Variants in MAP3K15 observed in about 807,000 individuals in gnomAD.
MAP3K15 encodes MAPK/ERK kinase kinase 15.
In MAP3K15, 124 loss-of-function variants were observed where a neutral mutation model predicts 99.5. The observed-to-expected ratio is 1.25, with a 90% CI of 1.08 to 1.45. MAP3K15 has a LOEUF of 1.45. Ranked by LOEUF, MAP3K15 falls within the 40% of genes most tolerant of loss-of-function variation. The pLI is 0.00. For synonymous variants in MAP3K15, 494 were observed against 439.6 expected, an observed-to-expected ratio of 1.12 and a Z score of -1.55; for missense variants, 1,242 against 1,079.7, an observed-to-expected ratio of 1.15 and a Z score of -2.11.
chrX:19,442,851 T>A (rs931639901), intron 6 of MAP3K15, among the ~76,000 whole-genome samples: 22 of 104,693 alleles, frequency 2.1e-4, no homozygotes, highest in African/African-American at 7.6e-4. Flanking sequence ...GCCTCCCGAG[T>A]ACCTGGGATT....
At chrX:19,478,757 AG>A (rs1331664653) in intron 3 of MAP3K15, among the ~76,000 whole-genome samples, 5 of 19,758 alleles carry the variant, frequency 2.5e-4, no homozygotes, top group African/African-American at 8.2e-4. Context: ...TTTTTTAATA[AG>A]GTTTTTTTTT....
At position 19,434,744 on chromosome X, in the gene MAP3K15, C is replaced by T. The variant is rs186272172; in HGVS notation, c.996-3136G>A. The stretch of plus-strand genomic sequence containing the variant: ...GGATGGTACGTAGCCAGCCTCATTC[C>T]GGATGCAGAAGAGAAATTCAATCAC... On this transcript the variant is annotated intron_variant, in intron 6 of 28. Coordinates refer to ENST00000338883, the MANE Select transcript of MAP3K15 (RefSeq NM_001001671.4). 4.1e-3 allele frequency among the ~76,000 whole-genome samples: 458 copies of T among 111,852 alleles called. 2 individuals carry two copies. The highest frequency in any genetic ancestry group is 6.9e-3 in the Admixed American group (72 of 10,464).
At chrX:19,439,221 T>TA (rs2063943254) in intron 6 of MAP3K15, among the ~76,000 whole-genome samples, 2 of 111,306 alleles carry the variant, frequency 1.8e-5, no homozygotes, top group Admixed American at 1.9e-4. Context: ...CTGCCATGAA[T>TA]AAAACCTGCC....
chrX:19,463,980 T>C (rs745399813), intron 4 of MAP3K15, among the ~76,000 whole-genome samples: 1 of 110,872 alleles, frequency 9.0e-6, no homozygotes, highest in Non-Finnish European at 1.9e-5. Context: ...GAAGAGAAGT[T>C]ACATGTCAAG....
At chrX:19,462,031 A>G (rs1039372345) in intron 4 of MAP3K15, among the ~76,000 whole-genome samples, 2 of 103,617 alleles carry the variant, frequency 1.9e-5, no homozygotes, top group Admixed American at 2.1e-4. Flanking sequence ...ACACACACAC[A>G]CACACACAAA....
At chrX:19,417,611 T>C (rs1011823462) in intron 9 of MAP3K15, among the ~76,000 whole-genome samples, 5 of 111,835 alleles carry the variant, frequency 4.5e-5, no homozygotes, top group Non-Finnish European at 9.4e-5. Flanking sequence ...ACTCCACCTC[T>C]GGGGGCAGGG....
intron 1 of MAP3K15, among the ~76,000 whole-genome samples, chrX:19,505,357 C>A (rs2064469292): frequency 8.9e-6 from 1 of 112,021 alleles, no homozygotes; most frequent in Admixed American, 9.5e-5. Flanking sequence ...ATTTTCAAAA[C>A]CTAAGTTGCA....
At chrX:19,465,709 G>T (rs1180379737) in intron 3 of MAP3K15, among the ~76,000 whole-genome samples, 1 of 110,407 alleles carries the variant, frequency 9.1e-6, no homozygotes, top group Non-Finnish European at 1.9e-5. Flanking sequence ...AGCCTAGATC[G>T]CACCACTGCC....
At chrX:19,382,135 C>G (rs1231890865) in intron 18 of MAP3K15, among the ~76,000 whole-genome samples, 1 of 109,053 alleles carries the variant, frequency 9.2e-6, no homozygotes, top group Non-Finnish European at 1.9e-5. Flanking sequence ...TGCCTGTAAT[C>G]CCAGCTACTC....
intron 11 of MAP3K15, among the ~76,000 whole-genome samples, chrX:19,410,535 T>G (rs1457674892): frequency 1.8e-5 from 2 of 111,851 alleles, no homozygotes; most frequent in Non-Finnish European, 3.8e-5. Flanking sequence ...ACAGCAACCC[T>G]CTATTTCCTC....
intron 18 of MAP3K15, among the ~76,000 whole-genome samples, chrX:19,388,426 G>A (rs767823264): frequency 8.9e-6 from 1 of 112,211 alleles, no homozygotes; most frequent in African/African-American, 3.2e-5. Context: ...CACCCTTTGA[G>A]TCCAATGGGT....
rs188268579 is a variant in MAP3K15 at position 19,506,814 on chromosome X, G to A, written c.361+8087C>T. Among the ~76,000 whole-genome samples the A allele has an allele frequency of 1.6e-3, 174 of 112,199 alleles. 1 individual carries two copies. Among genetic ancestry groups the A allele is most frequent in the African/African-American group, 5.5e-3 (171 of 30,972 alleles). The stretch of plus-strand genomic sequence containing the variant: ...CCTGGTATTACAGACGTGAGCCACC[G>A]CACCCGGCCTAGTCTTATAGTTTTC... On this transcript the variant is annotated intron_variant, in intron 1 of 28. Coordinates refer to ENST00000338883, the MANE Select transcript of MAP3K15 (RefSeq NM_001001671.4).
chrX:19,410,939 G>A (rs993348920), intron 11 of MAP3K15, among the ~76,000 whole-genome samples: 1 of 111,538 alleles, frequency 9.0e-6, no homozygotes, highest in African/African-American at 3.3e-5. Context: ...CCAGCGCTCT[G>A]GGAGGCCGAG....
intron 6 of MAP3K15, among the ~76,000 whole-genome samples, chrX:19,453,787 C>T (rs1270754603): frequency 1.8e-5 from 2 of 112,078 alleles, no homozygotes; most frequent in Non-Finnish European, 3.8e-5. Flanking sequence ...AAGATGTCAT[C>T]ATTTTTCTAC....
Position 19,372,817 on chromosome X carries a change from C to G in MAP3K15, c.2944G>C (p.Glu982Gln), listed in dbSNP as rs1235750422. Residue 982 changes from glutamate to glutamine, a missense_variant, in exon 22 of 29, where the codon GAG (glutamate) becomes CAG (glutamine). Transcript: ENST00000338883. ...CCCCGGTCTTCCAAGGCTGAGCTCTCGTCTGGAACACTGTGGACAAACACG... is the reference window on the plus strand; with the variant it reads ...CCCCGGTCTTCCAAGGCTGAGCTCTGGTCTGGAACACTGTGGACAAACACG... ...HLGHLLSVPD[E>Q]SSALEDRGLA... The G allele has an allele frequency of 1.7e-6, 2 of 1,207,704 alleles. No individual in the cohort carries two copies. The highest frequency in any genetic ancestry group is 2.2e-6 in the Non-Finnish European group (2 of 893,282).
rs780914524 is a variant in MAP3K15, at chrX:19,431,590, G to T, written c.1014C>A (p.Asp338Glu). 8.3e-7 allele frequency: 1 copy of T among 1,198,380 alleles called. No homozygotes were observed. The highest frequency in any genetic ancestry group is 1.1e-6 in the Non-Finnish European group (1 of 894,144). Residue 338 changes from aspartate (D) to glutamate (E), a missense_variant, in exon 7 of 29, where the codon GAC becomes GAA. Asp to Glu is a conservative substitution (Grantham distance 45, BLOSUM62 2). Transcript: ENST00000338883. ...FALNRRNSTG[D>E]REKALQIMLQ... ...GCATGATCTGCAGAGCCTTCTCACG[G>T]TCACCTGTGCTGTTTCTCCTGAAAG... is the stretch of plus-strand genomic sequence containing the variant.
chrX:19,405,612 T>C (rs2063642657), intron 13 of MAP3K15, among the ~76,000 whole-genome samples: 1 of 112,355 alleles, frequency 8.9e-6, no homozygotes, highest in African/African-American at 3.2e-5. Flanking sequence ...AAGTAAAATT[T>C]GGATAAATGT....
At chrX:19,397,371 T>C (rs1164789633) in intron 15 of MAP3K15, among the ~76,000 whole-genome samples, 1 of 112,087 alleles carries the variant, frequency 8.9e-6, no homozygotes, top group Non-Finnish European at 1.9e-5. Context: ...TTTTCCACAA[T>C]GATGCATCTG....
intron 18 of MAP3K15, among the ~76,000 whole-genome samples, chrX:19,382,855 A>G (rs755118262): frequency 8.9e-6 from 1 of 112,336 alleles, no homozygotes; most frequent in Non-Finnish European, 1.9e-5. Context: ...TGTGCTGCTT[A>G]TGAAGCTACC....
Sources: allele counts gnomAD v4.1 joint callset (sites outside exome capture counted in the v4.1 genomes callset), GRCh38; gene constraint gnomAD v4.1.1; transcripts MANE v1.5; gene names NCBI Gene and HGNC (gene_info 2026-07-23, HGNC 2026-07-21).